XRCC2: variants seen among roughly 807,000 people sequenced by gnomAD.
XRCC2 encodes DNA repair protein XRCC2.
Under a neutral mutation model 27.3 loss-of-function variants are expected in XRCC2, and 24 were observed. The ratio of observed to expected loss-of-function variants is 0.88; its 90% CI spans 0.64 to 1.24. XRCC2 has a LOEUF of 1.24. Among genes scored for constraint, XRCC2 ranks in the 50% most tolerant of loss-of-function variants. XRCC2 has a pLI of 0.00. For missense variants in XRCC2, 321 were observed against 325.8 expected, an observed-to-expected ratio of 0.99 and a Z score of 0.11; for synonymous variants, 106 against 115.4, an observed-to-expected ratio of 0.92 and a Z score of 0.52.
chr7:152,663,969 G>A (rs1406151632), intron 1 of XRCC2: 1 of 152,266 alleles, frequency 6.6e-6, no homozygotes, highest in Non-Finnish European at 1.5e-5. Flanking sequence ...GCTAAGGTCA[G>A]CTATGCAGGC....
At chr7:152,670,482 C>A (rs1169987319) in intron 1 of XRCC2, among the ~76,000 whole-genome samples, 1 of 152,302 alleles carries the variant, frequency 6.6e-6, no homozygotes, top group East Asian at 1.9e-4. Flanking sequence ...TTGATGCAAA[C>A]CTCTATTACA....
At chr7:152,663,771 C>T (rs1003813008) in intron 1 of XRCC2, among the ~76,000 whole-genome samples, 16 of 152,066 alleles carry the variant, frequency 1.1e-4, no homozygotes, top group African/African-American at 3.4e-4. Context: ...TCCAGGAGGT[C>T]GAGGCTGCAG....
chr7:152,648,026 T>G lies in XRCC2; in HGVS notation c.*616A>C, dbSNP rs1333643392. On this transcript the variant is annotated 3_prime_UTR_variant, in exon 3 of 3. Transcript: ENST00000359321. ...CAAAGTTTAATTGCTAAAATCACTTTGATTCAACAGCCTAGAAACAGAATA... is the reference window on the plus strand; with the variant it reads ...CAAAGTTTAATTGCTAAAATCACTTGGATTCAACAGCCTAGAAACAGAATA... 1 of 152,240 alleles carries G rather than the reference T, an allele frequency of 6.6e-6. No homozygotes were observed. Among genetic ancestry groups the G allele is most frequent in the Admixed American group, 6.5e-5 (1 of 15,284 alleles). The allele number at this position is 152,240 out of a possible 1,614,324, so 9.4% of individuals were successfully genotyped here. A position where few individuals can be genotyped will look rare whatever the true frequency, so the allele number is the denominator to read the frequency against.
In XRCC2 at chr7:152,652,375, A is replaced by C. The variant is rs1271575188; in HGVS notation, c.122-3012T>G. Among the ~76,000 whole-genome samples, 4 of 152,118 alleles carry C rather than the reference A, an allele frequency of 2.6e-5. No individual in the cohort carries two copies. In the East Asian group the frequency reaches 5.8e-4, roughly 22 times the overall value. On this transcript the variant is annotated intron_variant, in intron 2 of 2. Coordinates refer to ENST00000359321, the MANE Select transcript of XRCC2 (RefSeq NM_005431.2). ...CATCTTTTACTGCCCTATGTGATAG[A>C]GAACAAGGGACCATGCAGAAGCGCA...
chr7:152,666,806 T>G (rs999236577), intron 1 of XRCC2, among the ~76,000 whole-genome samples: 1 of 150,708 alleles, frequency 6.6e-6, no homozygotes, highest in African/African-American at 2.4e-5. Context: ...TTAGTAGAGA[T>G]GGGGTTTCGC....
At chr7:152,672,268 A>G (rs181157399) in intron 1 of XRCC2, among the ~76,000 whole-genome samples, 188 of 152,320 alleles carry the variant, frequency 1.2e-3, no homozygotes, top group African/African-American at 4.3e-3. Flanking sequence ...CAAAGACAAA[A>G]GGTGATAAGC....
chr7:152,670,037 C>T (rs938667206), intron 1 of XRCC2, among the ~76,000 whole-genome samples: 6 of 151,768 alleles, frequency 4.0e-5, no homozygotes, highest in African/African-American at 7.3e-5. Context: ...TTCTAATCTG[C>T]GTGAGAGTGA....
chr7:152,674,151 G>C (rs950728214), intron 1 of XRCC2, among the ~76,000 whole-genome samples: 13 of 152,154 alleles, frequency 8.5e-5, no homozygotes, highest in Admixed American at 7.9e-4. Flanking sequence ...CCACTCCAGA[G>C]TAGTATGAGC....
chr7:152,667,413 A>AAAG (rs2117006284), intron 1 of XRCC2, among the ~76,000 whole-genome samples: 1 of 79,904 alleles, frequency 1.3e-5, no homozygotes, highest in South Asian at 4.8e-4. Flanking sequence ...CTCAAAAAAA[A>AAAG]AAAAAAAAAA....
chr7:152,653,653 A>C (rs553696006), intron 2 of XRCC2, among the ~76,000 whole-genome samples: 36 of 151,790 alleles, frequency 2.4e-4, no homozygotes, highest in African/African-American at 8.7e-4. Flanking sequence ...GTAGAGATGG[A>C]GTCTTGCTGA....
intron 1 of XRCC2, 62 bp downstream of exon 1, chr7:152,675,979 C>T: frequency 1.2e-6 from 2 of 1,607,968 alleles, no homozygotes; most frequent in South Asian, 1.1e-5. Flanking sequence ...GTTCCCTCGG[C>T]TCCCCTCGCC....
At chr7:152,649,784 G>A (rs1258928397) in intron 2 of XRCC2, among the ~76,000 whole-genome samples, 2 of 152,124 alleles carry the variant, frequency 1.3e-5, no homozygotes, top group Non-Finnish European at 2.9e-5. Context: ...ATTTTTCATA[G>A]TCTCCTTTGA....
At chr7:152,657,414 C>T (rs1286361312) in intron 2 of XRCC2, among the ~76,000 whole-genome samples, 1 of 151,762 alleles carries the variant, frequency 6.6e-6, no homozygotes, top group African/African-American at 2.4e-5. Flanking sequence ...ATTCTCCTGT[C>T]TCAGCCCCCC....
intron 1 of XRCC2, among the ~76,000 whole-genome samples, chr7:152,673,615 C>T (rs1417429269): frequency 6.6e-6 from 1 of 152,098 alleles, no homozygotes. Flanking sequence ...TGCCTGTAAT[C>T]CCAGCACTTT....
intron 1 of XRCC2, among the ~76,000 whole-genome samples, chr7:152,674,776 T>A (rs376661285): frequency 2.0e-5 from 2 of 100,974 alleles, no homozygotes; most frequent in African/African-American, 7.7e-5. Context: ...ATAAATATAT[T>A]TTTAAATATA....
chr7:152,668,318 A>G (rs1335193840), intron 1 of XRCC2, among the ~76,000 whole-genome samples: 1 of 152,152 alleles, frequency 6.6e-6, no homozygotes, highest in African/African-American at 2.4e-5. Context: ...GAAAAAACAT[A>G]GTGTATATAG....
intron 2 of XRCC2, among the ~76,000 whole-genome samples, chr7:152,654,103 G>C (rs779983052): frequency 1.3e-5 from 2 of 150,488 alleles, no homozygotes; most frequent in Non-Finnish European, 2.9e-5. Flanking sequence ...GGCTGAGGCA[G>C]GAGAACTGCT....
At chr7:152,672,705 G>A (rs1174136323) in intron 1 of XRCC2, among the ~76,000 whole-genome samples, 1 of 152,180 alleles carries the variant, frequency 6.6e-6, no homozygotes, top group Non-Finnish European at 1.5e-5. Flanking sequence ...ATGATAATGG[G>A]AGTGGAGACA....
At position 152,648,873 on chromosome 7, in the gene XRCC2, G is replaced by C. The variant is rs772419235; in HGVS notation, c.612C>G (p.Ser204Arg). The C allele has an allele frequency of 1.9e-6, 3 of 1,614,060 alleles. No homozygotes were observed. Among genetic ancestry groups the C allele is most frequent in the Non-Finnish European group, 2.5e-6 (3 of 1,179,972 alleles). ...AGGCATGAGAAGGTTCTTCTGATGA[G>C]CTCGAGGCTTTCTGCATTATAGTTT... ...TTQTIMQKAS[S>R]SSEEPSHASR... is the part of the protein sequence containing the mutation. The change falls in exon 3 of 3, where the codon AGC becomes AGG. Residue 204 changes from serine (S) to arginine (R), a missense_variant. Physicochemically the swap from Ser to Arg is moderately radical, Grantham distance 110. Coordinates refer to ENST00000359321, the MANE Select transcript of XRCC2 (RefSeq NM_005431.2).
Sources: allele counts gnomAD v4.1 joint callset (sites outside exome capture counted in the v4.1 genomes callset), GRCh38; gene constraint gnomAD v4.1.1; transcripts MANE v1.5; gene names NCBI Gene and HGNC (gene_info 2026-07-23, HGNC 2026-07-21).